Variants in SLC22A24 observed in about 807,000 individuals in gnomAD.
SLC22A24 encodes the protein solute carrier family 22 member 24, also known as steroid transmembrane transporter SLC22A24.
In SLC22A24, 53 loss-of-function variants were observed where a neutral mutation model predicts 49.8. The observed-to-expected ratio is 1.06, with a 90% CI of 0.85 to 1.34. The LOEUF is 1.34. Among genes scored for constraint, SLC22A24 ranks in the 40% most tolerant of loss-of-function variants. SLC22A24 has a pLI of 0.00. For synonymous variants in SLC22A24, 302 were observed against 256.4 expected (o/e 1.18, Z -1.70); for missense variants, 786 against 675.9 (o/e 1.16, Z -1.81).
At chr11:63,100,986 C>A (rs985287831) in intron 5 of SLC22A24, among the ~76,000 whole-genome samples, 15 of 152,006 alleles carry the variant, frequency 9.9e-5, no homozygotes, top group African/African-American at 3.6e-4. Context: ...TTGGTCTGGG[C>A]AAAGATTTCT....
chr11:63,119,294 A>G lies in SLC22A24; in HGVS notation c.548T>C (p.Leu183Pro). 1 of 1,550,956 alleles carries G rather than the reference A, an allele frequency of 6.4e-7. No homozygotes were observed. Among genetic ancestry groups the G allele is most frequent in the Non-Finnish European group, 8.7e-7 (1 of 1,146,724 alleles). Residue 183 changes from leucine to proline, a missense_variant, in exon 3 of 10, where the codon CTG becomes CCG. Leu to Pro is a moderately conservative substitution (Grantham distance 98). Transcript: ENST00000612278. The stretch of plus-strand genomic sequence containing the variant: ...GGCCGCACAGGTGTTAGAGATGGCC[A>G]GCTGGAGGAAACACAATTTGCATAT... ...KIICKLCFLQ[L>P]AISNTCAAFA...
In SLC22A24 at chr11:63,080,930, C is replaced by A; in HGVS notation, c.1588G>T (p.Val530Leu). The A allele has an allele frequency of 1.3e-6, 2 of 1,551,696 alleles. No individual in the cohort carries two copies. Among genetic ancestry groups the A allele is most frequent in the Non-Finnish European group, 1.7e-6 (2 of 1,147,180 alleles). The change falls in exon 9 of 10, where the codon GTG (valine) becomes TTG (leucine). Residue 530 changes from valine (V) to leucine (L), a missense_variant. Coordinates refer to ENST00000612278, the MANE Select transcript of SLC22A24 (RefSeq NM_001136506.2). ...DLPLPNTIQD[V>L]ENDRKDSRNI... Reference sequence around the variant, plus strand: ...AGAGGGTTTACTCACTCATTTTCCACATCCTGGATGGTGTTAGGAAGAGGT... The same window carrying A: ...AGAGGGTTTACTCACTCATTTTCCAAATCCTGGATGGTGTTAGGAAGAGGT...
At chr11:63,116,239 C>A in intron 4 of SLC22A24, 2 of 336,398 alleles carry the variant, frequency 5.9e-6, no homozygotes, top group South Asian at 7.4e-5. Flanking sequence ...GGGTCCACAC[C>A]CTTAAGAGAT....
intron 1 of SLC22A24, among the ~76,000 whole-genome samples, chr11:63,137,063 C>A (rs1388365065): frequency 6.6e-6 from 1 of 152,022 alleles, no homozygotes; most frequent in East Asian, 1.9e-4. Context: ...ATGTCTGTAG[C>A]CCCATTGCAG....
intron 4 of SLC22A24, chr11:63,115,762 T>TG (rs2087208380): frequency 6.0e-6 from 1 of 166,246 alleles, no homozygotes; most frequent in Non-Finnish European, 1.3e-5. Flanking sequence ...GACAGATTTT[T>TG]TTTTTCAGGT....
rs1322467628 is a variant in SLC22A24, at chr11:63,097,678, G to T, written c.955-1572C>A. On this transcript the variant is annotated intron_variant, in intron 5 of 9. Transcript: ENST00000612278. Reference sequence around the variant, plus strand: ...GGAACCAACCCAAATGTGCATCAATGATAGACTGGATAAAGAAAACGGGGC... The same window carrying T: ...GGAACCAACCCAAATGTGCATCAATTATAGACTGGATAAAGAAAACGGGGC... 3.3e-5 allele frequency among the ~76,000 whole-genome samples: 5 copies of T among 152,162 alleles called. No individual in the cohort carries two copies. In the East Asian group the frequency reaches 9.6e-4, roughly 29 times the overall value.
chr11:63,139,464 C>T (rs1590753060), intron 1 of SLC22A24, among the ~76,000 whole-genome samples: 1 of 151,980 alleles, frequency 6.6e-6, no homozygotes, highest in South Asian at 2.1e-4. Context: ...GGAAATATAC[C>T]TTAGGGGATG....
intron 5 of SLC22A24, among the ~76,000 whole-genome samples, chr11:63,096,924 G>A (rs2087058277): frequency 6.6e-6 from 1 of 151,956 alleles, no homozygotes; most frequent in South Asian, 2.1e-4. Flanking sequence ...TTCTTTCATA[G>A]GGATTATCTA....
intron 4 of SLC22A24, among the ~76,000 whole-genome samples, chr11:63,104,844 A>G (rs1459792654): frequency 6.6e-6 from 1 of 152,108 alleles, no homozygotes; most frequent in Non-Finnish European, 1.5e-5. Context: ...AAAACCAATT[A>G]TGCCTTCCCA....
chr11:63,128,524 T>A (rs1022959382), intron 2 of SLC22A24, among the ~76,000 whole-genome samples: 4 of 152,226 alleles, frequency 2.6e-5, no homozygotes, highest in African/African-American at 9.6e-5. Flanking sequence ...CTCCCTGTGA[T>A]GCTGTGTTTC....
At chr11:63,125,469 T>C (rs2087283511) in intron 2 of SLC22A24, among the ~76,000 whole-genome samples, 1 of 152,140 alleles carries the variant, frequency 6.6e-6, no homozygotes. Flanking sequence ...CATCCATGTC[T>C]CTGCAAAGGA....
chr11:63,081,441 A>T (rs906106416), intron 8 of SLC22A24, 117 bp downstream of exon 8: 2 of 764,188 alleles, frequency 2.6e-6, no homozygotes, highest in Non-Finnish European at 4.5e-6. Flanking sequence ...TACTCTGTTC[A>T]TTTCTATTAC....
intron 2 of SLC22A24, among the ~76,000 whole-genome samples, chr11:63,120,232 T>C (rs2087241847): frequency 6.8e-6 from 1 of 146,330 alleles, no homozygotes; most frequent in South Asian, 2.1e-4. Flanking sequence ...CTATTCCCAC[T>C]CATAGGTGGG....
chr11:63,091,114 A>C (rs908892730), intron 6 of SLC22A24, among the ~76,000 whole-genome samples: 1 of 152,246 alleles, frequency 6.6e-6, no homozygotes, highest in Non-Finnish European at 1.5e-5. Flanking sequence ...CCATCAAAGA[A>C]TACTATAAAC....
chr11:63,127,741 A>G (rs913093640), intron 2 of SLC22A24, among the ~76,000 whole-genome samples: 1 of 151,896 alleles, frequency 6.6e-6, no homozygotes, highest in African/African-American at 2.4e-5. Context: ...GATGATGAAC[A>G]TTTTTTCATA....
At chr11:63,139,755 A>T (rs2087401431) in intron 1 of SLC22A24, among the ~76,000 whole-genome samples, 1 of 152,128 alleles carries the variant, frequency 6.6e-6, no homozygotes, top group African/African-American at 2.4e-5. Flanking sequence ...AATTTTGGGG[A>T]TCTGTCTTTG....
chr11:63,094,429 C>T (rs1245972096), intron 6 of SLC22A24, among the ~76,000 whole-genome samples: 1 of 151,888 alleles, frequency 6.6e-6, no homozygotes, highest in African/African-American at 2.4e-5. Context: ...TGAATAGTGC[C>T]ACAATAAACA....
chr11:63,111,691 T>C (rs1047638713), intron 4 of SLC22A24, among the ~76,000 whole-genome samples: 1 of 151,682 alleles, frequency 6.6e-6, no homozygotes, highest in Non-Finnish European at 1.5e-5. Flanking sequence ...GGATCGGTGG[T>C]GATATCCCCT....
chr11:63,105,440 A>T (rs2087114989), intron 4 of SLC22A24, among the ~76,000 whole-genome samples: 2 of 152,192 alleles, frequency 1.3e-5, no homozygotes, highest in African/African-American at 4.8e-5. Flanking sequence ...TGGACATCTA[A>T]GCATTTCCAT....
Sources: gnomAD v4.1 joint callset for allele counts (sites outside exome capture counted in the v4.1 genomes callset) on GRCh38, gnomAD v4.1.1 for gene constraint, MANE v1.5 for transcripts, NCBI Gene and HGNC (gene_info 2026-07-23, HGNC 2026-07-21) for gene names.